The following ZNF157 variants were observed in gnomAD, a reference collection of about 807,000 sequenced individuals.
The protein encoded by ZNF157 is zinc finger protein 22.
ZNF157 carries 8 observed loss-of-function variants against 9.4 expected under a neutral mutation model. That is an observed-to-expected ratio of 0.85 (90% CI 0.50 to 1.53). ZNF157 has a LOEUF of 1.53. Among genes scored for constraint, ZNF157 ranks in the 40% most tolerant of loss-of-function variants. The pLI is 0.00. For missense variants in ZNF157, 316 were observed against 385.2 expected, an observed-to-expected ratio of 0.82 and a Z score of 1.50; for synonymous variants, 120 against 130.8, an observed-to-expected ratio of 0.92 and a Z score of 0.56.
chrX:47,380,772 CT>C (rs202115104), intron 1 of ZNF157, among the ~76,000 whole-genome samples: 39,679 of 99,643 alleles, frequency 0.4, 6,901 homozygotes, highest in African/African-American at 0.61. Context: ...TATTATTTTT[CT>C]TTTTTTTTTA....
intron 1 of ZNF157, among the ~76,000 whole-genome samples, chrX:47,398,993 G>T (rs182093665): frequency 1.5e-4 from 17 of 111,432 alleles, no homozygotes; most frequent in East Asian, 1.1e-3. Flanking sequence ...GTAGAGACGG[G>T]GTTTCGCCAT....
chrX:47,374,397 C>CT (rs749372735), intron 1 of ZNF157, among the ~76,000 whole-genome samples: 2,766 of 85,405 alleles, frequency 0.032, 168 homozygotes, highest in African/African-American at 0.12. Flanking sequence ...AATAGACAAT[C>CT]TTTTTTTTTT....
intron 1 of ZNF157, among the ~76,000 whole-genome samples, chrX:47,375,034 T>C (rs9698797): frequency 3.1e-4 from 20 of 65,014 alleles, no homozygotes; most frequent in African/African-American, 1.3e-3. Context: ...TTTTTTTTTT[T>C]CAGACAGAGT....
intron 1 of ZNF157, among the ~76,000 whole-genome samples, chrX:47,385,039 A>G (rs781686003): frequency 1.5e-4 from 17 of 111,820 alleles, no homozygotes; most frequent in South Asian, 7.4e-4. Flanking sequence ...CCAGCTCTCA[A>G]CTGACCAACA....
rs557968337 is a variant in ZNF157, at chrX:47,380,178, G to T, written c.72+9438G>T. Reference sequence around the variant, plus strand: ...AGCAGCAGAGAATCCATACGGGTCTGCAGCAACCTCAATTCTTGCCTCCTC... The same window carrying T: ...AGCAGCAGAGAATCCATACGGGTCTTCAGCAACCTCAATTCTTGCCTCCTC... On this transcript the variant is annotated intron_variant, in intron 1 of 3. Coordinates refer to ENST00000377073, the MANE Select transcript of ZNF157 (RefSeq NM_003446.4). 1.8e-5 allele frequency among the ~76,000 whole-genome samples: 2 copies of T among 110,829 alleles called. 1 individual carries two copies. The highest frequency in any genetic ancestry group is 7.6e-4 in the South Asian group (2 of 2,619).
At position 47,374,998 on chromosome X, in the gene ZNF157, C is replaced by CTTTTTT. The variant is rs769541152; in HGVS notation, c.72+4289_72+4294dup. 4.1e-3 allele frequency among the ~76,000 whole-genome samples: 103 copies of CTTTTTT among 24,996 alleles called. 33 individuals are homozygous for CTTTTTT. The highest frequency in any genetic ancestry group is 7.0e-3 in the South Asian group (2 of 284). The allele number at this position is 24,996 out of a possible 115,157, so 21.7% of individuals were successfully genotyped here. ...GTGAGCCCTGAGCCCGGCTGACAAT[C>CTTTTTT]TTTTTTTTTTTTTTTTTTTTTTTTT... On this transcript the variant is annotated intron_variant, in intron 1 of 3. Transcript: ENST00000377073.
Position 47,397,438 on chromosome X carries a change from T to C in ZNF157, c.73-12838T>C, listed in dbSNP as rs2147409458. 1.9e-5 allele frequency among the ~76,000 whole-genome samples: 2 copies of C among 107,306 alleles called. 1 individual carries two copies. Among genetic ancestry groups the C allele is most frequent in the East Asian group, 5.9e-4 (2 of 3,416 alleles). The allele number at this position is 107,306 out of a possible 115,157, so 93.2% of individuals were successfully genotyped here. A position where few individuals can be genotyped will look rare whatever the true frequency, so the allele number is the denominator to read the frequency against. On this transcript the variant is annotated intron_variant, in intron 1 of 3. Coordinates refer to ENST00000377073, the MANE Select transcript of ZNF157 (RefSeq NM_003446.4). ...TTTTATTTTTTTATTTTTTTTGAGA[T>C]GGAGTCTTGTTGTCACCCAGGCTGG...
chrX:47,396,593 A>G (rs886653039), intron 1 of ZNF157, among the ~76,000 whole-genome samples: 3 of 111,472 alleles, frequency 2.7e-5, no homozygotes, highest in African/African-American at 9.8e-5. Flanking sequence ...AGCTGGTCAC[A>G]TGGTCATAGC....
intron 1 of ZNF157, among the ~76,000 whole-genome samples, chrX:47,407,952 C>CT (rs1002333882): frequency 3.6e-5 from 4 of 111,445 alleles, no homozygotes; most frequent in African/African-American, 1.3e-4. Flanking sequence ...TCTTGCATTG[C>CT]TATAAAGAAA....
At chrX:47,400,147 C>A (rs771665660) in intron 1 of ZNF157, among the ~76,000 whole-genome samples, 2 of 109,895 alleles carry the variant, frequency 1.8e-5, no homozygotes, top group Non-Finnish European at 3.8e-5. Flanking sequence ...CAGGCACGCA[C>A]CACCACACCC....
At chrX:47,407,465 A>G (rs187997207) in intron 1 of ZNF157, among the ~76,000 whole-genome samples, 9 of 111,660 alleles carry the variant, frequency 8.1e-5, no homozygotes, top group Non-Finnish European at 1.7e-4. Context: ...AGGCCTGGGA[A>G]TTTCTTTTTT....
intron 1 of ZNF157, among the ~76,000 whole-genome samples, chrX:47,409,873 T>C (rs1412639396): frequency 9.0e-6 from 1 of 110,844 alleles, no homozygotes; most frequent in African/African-American, 3.3e-5. Flanking sequence ...GGTCTTGAAC[T>C]CCTGATCTCA....
intron 1 of ZNF157, among the ~76,000 whole-genome samples, chrX:47,380,911 C>CAGGAGGAGGAGAAAG (rs2055860019): frequency 3.0e-5 from 1 of 33,266 alleles, no homozygotes; most frequent in Non-Finnish European, 5.7e-5. Flanking sequence ...GAAGGAGGAG[C>CAGGAGGAGGAGAAAG]AGGAGGAGGA....
intron 1 of ZNF157, among the ~76,000 whole-genome samples, chrX:47,380,924 AAG>A (rs1454922866): frequency 1.1e-5 from 1 of 94,049 alleles, no homozygotes. Flanking sequence ...GAGGAGGAGA[AAG>A]AGAAGGAGGA....
At position 47,413,315 on chromosome X, in the gene ZNF157, C is replaced by T. The variant is rs141901323; in HGVS notation, c.1242C>T (p.Tyr414=). 234 of 1,208,179 alleles carry T rather than the reference C, an allele frequency of 1.9e-4. 1 individual carries two copies. The East Asian group carries it at 4.0e-3, about 20-fold the overall frequency. Reference sequence around the variant, plus strand: ...GGATGCATTCAGGAGAGAAACCCTACGAATGTAGTGAATGTGGGAAAATCT... The same window carrying T: ...GGATGCATTCAGGAGAGAAACCCTATGAATGTAGTGAATGTGGGAAAATCT... The part of the protein sequence containing the change: ...HQRMHSGEKP[Y]ECSECGKIFS... The change falls in exon 4 of 4, where the codon TAC becomes TAT. Residue 414 remains tyrosine, a synonymous_variant. Transcript: ENST00000377073.
chrX:47,410,665 A>G lies in ZNF157; in HGVS notation c.200-15A>G, dbSNP rs778015863. ...GACAACTTGGCCCACGTCCTGTGCC[A>G]TTTCCCATTAACAGGCCTCTGCGTG... On this transcript the variant is annotated splice_polypyrimidine_tract_variant and intron_variant, in intron 2 of 3. Coordinates refer to ENST00000377073, the MANE Select transcript of ZNF157 (RefSeq NM_003446.4). The G allele has an allele frequency of 4.0e-5, 48 of 1,193,339 alleles. No homozygotes were observed. The highest frequency in any genetic ancestry group is 4.7e-5 in the Non-Finnish European group (42 of 886,034).
At chrX:47,384,616 A>C (rs1407823955) in intron 1 of ZNF157, among the ~76,000 whole-genome samples, 1 of 112,446 alleles carries the variant, frequency 8.9e-6, no homozygotes, top group Admixed American at 9.5e-5. Flanking sequence ...CGAAGTATAC[A>C]ATAGAACCTG....
At chrX:47,409,891 C>T (rs2055958708) in intron 1 of ZNF157, among the ~76,000 whole-genome samples, 1 of 111,181 alleles carries the variant, frequency 9.0e-6, no homozygotes, top group African/African-American at 3.3e-5. Context: ...TCAGGCAATC[C>T]ACCCAGCTTG....
chrX:47,410,170 G>A, intron 1 of ZNF157, 106 bp from the exon 2 acceptor site: 4 of 1,085,641 alleles, frequency 3.7e-6, no homozygotes, highest in Non-Finnish European at 5.1e-6. Flanking sequence ...CAGGTATCCA[G>A]TGTAGCTCTA....
Sources: gnomAD v4.1 joint callset for allele counts (sites outside exome capture counted in the v4.1 genomes callset) on GRCh38, gnomAD v4.1.1 for gene constraint, MANE v1.5 for transcripts, NCBI Gene and HGNC (gene_info 2026-07-23, HGNC 2026-07-21) for gene names.